Variants in HDGFL2 observed in about 807,000 individuals in gnomAD.
The protein encoded by HDGFL2 is hepatoma-derived growth factor-related protein 2.
In HDGFL2, 36 loss-of-function variants were observed where a neutral mutation model predicts 77.1. The ratio of observed to expected loss-of-function variants is 0.47; its 90% CI spans 0.36 to 0.62. HDGFL2 has a LOEUF of 0.62. Among genes scored for constraint, HDGFL2 ranks in the 20% least tolerant of loss-of-function variants. HDGFL2 has a pLI of 0.00. For synonymous variants in HDGFL2, 463 were observed against 413.1 expected (o/e 1.12, Z -1.46); for missense variants, 976 against 973.4 (o/e 1.00, Z -0.04).
chr19:4,501,958 A>G lies in HDGFL2; in HGVS notation c.1964A>G (p.Gln655Arg), dbSNP rs1404548217. Residue 655 changes from glutamine to arginine, a missense_variant, in exon 16 of 16, where the codon CAG becomes CGG. This residue lies in a region of HDGFL2 where 229 missense variants were observed against 187.3 expected (regional missense o/e 1.22). Coordinates refer to ENST00000616600, the MANE Select transcript of HDGFL2 (RefSeq NM_001001520.3). The stretch of plus-strand genomic sequence containing the variant: ...CTGGACAGGCCTGGGAGCGACCGGC[A>G]GGAGCGCGAGAGGGCACGGGGGGAC... ...PDLDRPGSDRQERERARGDSE... is the reference protein window; with the variant it reads ...PDLDRPGSDRRERERARGDSE... The G allele has an allele frequency of 9.3e-6, 14 of 1,502,664 alleles. No individual in the cohort carries two copies. The highest frequency in any genetic ancestry group is 1.2e-5 in the Non-Finnish European group (14 of 1,131,956). 93.1% of individuals were successfully genotyped at this position (1,502,664 alleles called of 1,614,324 possible).
In HDGFL2 at chr19:4,488,667, C is replaced by T. The variant is rs1276455491; in HGVS notation, c.289-9C>T. Reference sequence around the variant, plus strand: ...TGGTGACGCGCGTTCTCTGCCCCGACTCCCACAGCCAGTGAGCTCCTCCGA... The same window carrying T: ...TGGTGACGCGCGTTCTCTGCCCCGATTCCCACAGCCAGTGAGCTCCTCCGA... On this transcript the variant is annotated splice_polypyrimidine_tract_variant and intron_variant, in intron 3 of 15. Coordinates refer to ENST00000616600, the MANE Select transcript of HDGFL2 (RefSeq NM_001001520.3). 2 of 1,539,766 alleles carry T rather than the reference C, an allele frequency of 1.3e-6. No homozygotes were observed. The highest frequency in any genetic ancestry group is 3.9e-5 in the Admixed American group (2 of 50,992).
chr19:4,478,974 C>T (rs12710073), intron 3 of HDGFL2, among the ~76,000 whole-genome samples: 77,728 of 151,276 alleles, frequency 0.51, 20,454 homozygotes, highest in African/African-American at 0.61. Context: ...TGAGCCACCG[C>T]GCCCAACAGC....
intron 4 of HDGFL2, 146 bp downstream of exon 4, chr19:4,489,022 C>T (rs1465616491): frequency 9.7e-6 from 6 of 618,254 alleles, no homozygotes; most frequent in Admixed American, 6.3e-5. Context: ...GGCGTGATCT[C>T]GACTCGCTGC....
At chr19:4,490,828 G>A (rs1975487321) in intron 4 of HDGFL2, among the ~76,000 whole-genome samples, 1 of 151,376 alleles carries the variant, frequency 6.6e-6, no homozygotes, top group Admixed American at 6.6e-5. Flanking sequence ...TTGGCGGGTG[G>A]GGGATGGAGT....
intron 9 of HDGFL2, among the ~76,000 whole-genome samples, chr19:4,495,809 C>G (rs940903531): frequency 6.6e-6 from 1 of 152,074 alleles, no homozygotes; most frequent in African/African-American, 2.4e-5. Context: ...CAGGACTCTC[C>G]TATACCACGT....
At chr19:4,485,873 C>G (rs1228011874) in intron 3 of HDGFL2, among the ~76,000 whole-genome samples, 10 of 5,856 alleles carry the variant, frequency 1.7e-3, no homozygotes, top group South Asian at 0.012. Flanking sequence ...ATGGTGAAAC[C>G]CCATGTCTAC....
Position 4,496,365 on chromosome 19 carries a change from A to G in HDGFL2, c.1288A>G (p.Lys430Glu). 1 of 1,614,060 alleles carries G rather than the reference A, an allele frequency of 6.2e-7. No homozygotes were observed. The highest frequency in any genetic ancestry group is 1.1e-5 in the South Asian group (1 of 91,082). Residue 430 changes from lysine (K) to glutamate (E), a missense_variant, in exon 10 of 16, where the codon AAG becomes GAG. Lys to Glu is a moderately conservative substitution (Grantham distance 56). This residue lies in a region of HDGFL2 where 567 missense variants were observed against 534.7 expected (regional missense o/e 1.06). Transcript: ENST00000616600. Reference protein sequence around the residue: ...STEPARKPGQKEKRVRPEEKQ... With the variant: ...STEPARKPGQEEKRVRPEEKQ... ...AGAGCCCGCCAGGAAACCTGGCCAG[A>G]AGGAGAAGAGAGTGCGGCCCGAGGA... is the stretch of plus-strand genomic sequence containing the variant.
At chr19:4,495,501 A>T (rs1372834949) in intron 9 of HDGFL2, among the ~76,000 whole-genome samples, 1 of 151,754 alleles carries the variant, frequency 6.6e-6, no homozygotes, top group Non-Finnish European at 1.5e-5. Context: ...GGCCCAGAGG[A>T]CTGCGCCTGG....
chr19:4,481,535 C>T (rs1779976693), intron 3 of HDGFL2, among the ~76,000 whole-genome samples: 1 of 149,982 alleles, frequency 6.7e-6, no homozygotes, highest in Non-Finnish European at 1.5e-5. Context: ...ACCATGTTAT[C>T]CAGGATGGTC....
chr19:4,495,761 G>A (rs948286539), intron 9 of HDGFL2, among the ~76,000 whole-genome samples: 15 of 152,098 alleles, frequency 9.9e-5, no homozygotes, highest in African/African-American at 2.9e-4. Flanking sequence ...GCAGGTGAGC[G>A]TGGGAGCAGG....
chr19:4,479,384 C>G (rs1034593055), intron 3 of HDGFL2, among the ~76,000 whole-genome samples: 2 of 151,368 alleles, frequency 1.3e-5, no homozygotes, highest in African/African-American at 4.9e-5. Context: ...GTGATCGAGA[C>G]CATCCTGGCT....
At chr19:4,478,207 T>G (rs1410693863) in intron 3 of HDGFL2, among the ~76,000 whole-genome samples, 8 of 151,134 alleles carry the variant, frequency 5.3e-5, no homozygotes, top group Middle Eastern at 3.4e-3. Flanking sequence ...GTTTTTTTTT[T>G]TTTGTTTTTT....
intron 6 of HDGFL2, among the ~76,000 whole-genome samples, chr19:4,493,467 G>A (rs74715939): frequency 0.092 from 13,991 of 152,150 alleles, 846 homozygotes; most frequent in Middle Eastern, 0.17. Flanking sequence ...GGTTCACTGA[G>A]GAAGATGAGG....
At chr19:4,480,522 C>T (rs1410880577) in intron 3 of HDGFL2, among the ~76,000 whole-genome samples, 1 of 152,226 alleles carries the variant, frequency 6.6e-6, no homozygotes, top group Non-Finnish European at 1.5e-5. Flanking sequence ...AGTTTGAGAT[C>T]AGCCTGGCCA....
Position 4,498,017 on chromosome 19 carries a change from T to A in HDGFL2, c.1388T>A (p.Val463Glu). ...RSEGFSMDRK[V>E]EKKKEPSVEE... ...GAGGGCTTCTCGATGGACAGGAAGGTAGAGAAGAAGAAAGGTGAGGCCTGG... is the reference window on the plus strand; with the variant it reads ...GAGGGCTTCTCGATGGACAGGAAGGAAGAGAAGAAGAAAGGTGAGGCCTGG... Residue 463 changes from valine (V) to glutamate (E), a missense_variant, in exon 11 of 16, where the codon GTA becomes GAA. Around this residue, in one of 5 missense-constraint regions of HDGFL2, gnomAD observed 567 missense variants for 534.7 expected, o/e 1.06. Coordinates refer to ENST00000616600, the MANE Select transcript of HDGFL2 (RefSeq NM_001001520.3). The A allele has an allele frequency of 6.4e-7, 1 of 1,555,534 alleles. No individual in the cohort carries two copies. Among genetic ancestry groups the A allele is most frequent in the South Asian group, 1.2e-5 (1 of 84,304 alleles).
chr19:4,483,390 G>A (rs1187946618), intron 3 of HDGFL2, among the ~76,000 whole-genome samples: 7 of 152,186 alleles, frequency 4.6e-5, no homozygotes, highest in Admixed American at 1.3e-4. Flanking sequence ...AGGGAGCCGG[G>A]AAACTGAGGA....
chr19:4,483,095 T>G (rs1041037312), intron 3 of HDGFL2, among the ~76,000 whole-genome samples: 4 of 152,248 alleles, frequency 2.6e-5, no homozygotes, highest in African/African-American at 7.2e-5. Context: ...GCGAGAGCGT[T>G]ATTACTCTCA....
At chr19:4,482,963 C>G (rs1599705461) in intron 3 of HDGFL2, among the ~76,000 whole-genome samples, 1 of 152,128 alleles carries the variant, frequency 6.6e-6, no homozygotes, top group Non-Finnish European at 1.5e-5. Context: ...GCTCCTCATT[C>G]TCTGAGCTGC....
chr19:4,483,303 GC>G (rs1014182114), intron 3 of HDGFL2, among the ~76,000 whole-genome samples: 5 of 152,142 alleles, frequency 3.3e-5, no homozygotes, highest in African/African-American at 1.2e-4. Context: ...CTGCGGCTGT[GC>G]GCACGGAGGC....
Sources: gnomAD v4.1 joint callset for allele counts (sites outside exome capture counted in the v4.1 genomes callset) on GRCh38, gnomAD v4.1.1 for gene constraint, gnomAD v4.1.1 regional missense constraint, MANE v1.5 for transcripts, NCBI Gene and HGNC (gene_info 2026-07-23, HGNC 2026-07-21) for gene names.